Variants in DOCK10 observed in about 807,000 individuals in gnomAD.
DOCK10 encodes the protein dedicator of cytokinesis 10.
A neutral mutation model predicts 280.1 loss-of-function variants in DOCK10; 145 were observed. The observed-to-expected ratio is 0.52, with a 90% confidence interval of 0.45 to 0.59. DOCK10 has a LOEUF of 0.59. Ranked by LOEUF, DOCK10 falls within the 20% of genes least tolerant of loss-of-function variation. The pLI, the probability that DOCK10 is intolerant of heterozygous loss-of-function variation, is 0.00. For missense variants in DOCK10, 2,368 were observed against 2,651.7 expected (o/e 0.89, Z 2.35); for synonymous variants, 915 against 942.2 (o/e 0.97, Z 0.53).
In DOCK10 at chr2:224,805,319, AT is replaced by A; in HGVS notation, c.3937del (p.Ile1313SerfsTer7). 1 of 1,612,828 alleles carries A rather than the reference AT, an allele frequency of 6.2e-7. No individual in the cohort carries two copies. Among genetic ancestry groups the A allele is most frequent in the Non-Finnish European group, 8.5e-7 (1 of 1,179,176 alleles). ...GCCAATCAAAGACAAGGGTCTTGGG[AT>A]CTGGGAATTCAAGAACCAATCAGGA... Reference protein sequence around the residue: ...SSEKTDNCEKIPRPLSLIGST... With the variant: ...SSEKTDNCEKXPRPLSLIGST... On this transcript the variant is annotated frameshift_variant and splice_region_variant, in exon 36 of 56. Coordinates refer to ENST00000258390, the MANE Select transcript of DOCK10 (RefSeq NM_014689.3). LOFTEE classifies it high-confidence loss of function. The surrounding 1 kb of genome is among the most constrained non-coding windows in gnomAD (Gnocchi z 4.3).
chr2:224,906,119 C>T (rs547297451), intron 3 of DOCK10, among the ~76,000 whole-genome samples: 2 of 152,256 alleles, frequency 1.3e-5, no homozygotes, highest in Admixed American at 1.3e-4. Flanking sequence ...TAGGTAATAG[C>T]CCAAGCCATA....
chr2:224,777,994 C>A (rs1467823854), intron 51 of DOCK10, 144 bp downstream of exon 51: 2 of 805,382 alleles, frequency 2.5e-6, no homozygotes, highest in South Asian at 2.0e-5. Flanking sequence ...AAATTACCAA[C>A]CAACAGGCAA....
At position 224,854,970 on chromosome 2, in the gene DOCK10, C is replaced by A. The variant is rs780087348; in HGVS notation, c.1881G>T (p.Glu627Asp). The change falls in exon 16 of 56, where the codon GAG becomes GAT. Residue 627 changes from glutamate (E) to aspartate (D), a missense_variant. Around this residue, in one of 2 missense-constraint regions of DOCK10, gnomAD observed 1,209 missense variants for 1,250.9 expected, o/e 0.97. Coordinates refer to ENST00000258390, the MANE Select transcript of DOCK10 (RefSeq NM_014689.3). ...ATGACATCATCATCATACTTGGATG[C>A]TCCAAGGGAACGTTGTCAACAGCAA... ...LDIAVDNVPLEHPNCVTSSFI... is the reference protein window; with the variant it reads ...LDIAVDNVPLDHPNCVTSSFI... 1 of 1,607,248 alleles carries A rather than the reference C, an allele frequency of 6.2e-7. No homozygotes were observed. Among genetic ancestry groups the A allele is most frequent in the South Asian group, 1.1e-5 (1 of 89,918 alleles).
At chr2:225,033,191 A>T (rs202201700) in intron 1 of DOCK10, among the ~76,000 whole-genome samples, 8,754 of 149,544 alleles carry the variant, frequency 0.059, 452 homozygotes, top group East Asian at 0.18. Flanking sequence ...TGGTACTATT[A>T]TTTTTTTTTT....
chr2:224,878,268 A>G (rs935769540), intron 7 of DOCK10, among the ~76,000 whole-genome samples: 1 of 152,254 alleles, frequency 6.6e-6, no homozygotes, highest in Admixed American at 6.5e-5. Context: ...TCTGTACTTT[A>G]TGGTCATTAT....
At chr2:224,791,762 T>C (rs1295935296) in intron 47 of DOCK10, among the ~76,000 whole-genome samples, 2 of 151,976 alleles carry the variant, frequency 1.3e-5, no homozygotes, top group African/African-American at 4.8e-5. Flanking sequence ...GCGTGAGTCA[T>C]GGCACCTGGC....
chr2:224,791,651 T>G (rs2125107707), intron 47 of DOCK10, among the ~76,000 whole-genome samples: 1 of 149,866 alleles, frequency 6.7e-6, no homozygotes, highest in Non-Finnish European at 1.5e-5. Flanking sequence ...TTTTTTTGTA[T>G]TTTTAGTAGA....
chr2:224,916,654 G>T, intron 3 of DOCK10, 41 bp downstream of exon 3: 1 of 1,442,452 alleles, frequency 6.9e-7, no homozygotes, highest in Non-Finnish European at 9.5e-7. Context: ...CTGGGAAAAA[G>T]CAAAAGCCTT....
chr2:224,929,087 G>T (rs1025169044), intron 2 of DOCK10, among the ~76,000 whole-genome samples: 2 of 152,214 alleles, frequency 1.3e-5, no homozygotes, highest in Non-Finnish European at 2.9e-5. Context: ...AGAGAGGCTT[G>T]TCCCTGGTCA....
intron 1 of DOCK10, among the ~76,000 whole-genome samples, chr2:225,041,182 C>T (rs1690413415): frequency 6.6e-6 from 1 of 152,216 alleles, no homozygotes; most frequent in Non-Finnish European, 1.5e-5. Flanking sequence ...AAGCTTTTGG[C>T]GCCCTCCTCA....
At chr2:224,793,219 A>C (rs1692327340) in intron 46 of DOCK10, 147 bp from the exon 47 acceptor site, 5 of 825,248 alleles carry the variant, frequency 6.1e-6, no homozygotes, top group Admixed American at 5.2e-5. Context: ...ACATAGAATA[A>C]ATAAGTCAAT....
chr2:224,789,395 T>G (rs1489538322), intron 47 of DOCK10, among the ~76,000 whole-genome samples: 1 of 152,164 alleles, frequency 6.6e-6, no homozygotes, highest in African/African-American at 2.4e-5. Flanking sequence ...TATAAAGAAA[T>G]AGCATGGGAT....
intron 15 of DOCK10, among the ~76,000 whole-genome samples, 183 bp downstream of exon 15, chr2:224,856,677 T>C (rs913416670): frequency 9.2e-5 from 14 of 152,248 alleles, no homozygotes; most frequent in African/African-American, 2.7e-4. Context: ...TTCACAGTCC[T>C]TCCATATAAT....
At position 224,844,819 on chromosome 2, in the gene DOCK10, T is replaced by C. The variant is rs377211049; in HGVS notation, c.2502A>G (p.Lys834=). The change falls in exon 22 of 56, where the codon AAA becomes AAG. Residue 834 remains lysine, a synonymous_variant. Transcript: ENST00000258390. ...AAAGTGGTTTGCCACCATCAACCCA[T>C]TTAATGTCACTCCCACCATGCTGCA... ...ASGKHGGSDI[K]WVDGGKPLFK... 1.9e-6 allele frequency: 3 copies of C among 1,607,830 alleles called. No individual in the cohort carries two copies. The highest frequency in any genetic ancestry group is 8.5e-7 in the Non-Finnish European group (1 of 1,176,880).
chr2:224,886,720 C>T (rs1699305899), intron 4 of DOCK10, among the ~76,000 whole-genome samples, 189 bp from the exon 5 acceptor site: 3 of 152,066 alleles, frequency 2.0e-5, no homozygotes, highest in Admixed American at 2.0e-4. Context: ...ATCTTATCTC[C>T]AGTATATAAA....
chr2:225,026,481 G>A (rs1233669749), intron 1 of DOCK10, among the ~76,000 whole-genome samples: 2 of 152,190 alleles, frequency 1.3e-5, no homozygotes, highest in African/African-American at 2.4e-5. Context: ...AGGTCAGGGA[G>A]CTGTCTGAAA....
At chr2:224,961,455 T>TTTCC (rs1704426912) in intron 1 of DOCK10, among the ~76,000 whole-genome samples, 1 of 132,576 alleles carries the variant, frequency 7.5e-6, no homozygotes, top group Non-Finnish European at 1.6e-5. Context: ...TCTTTCTTTC[T>TTTCC]TTCTTTCTTT....
intron 14 of DOCK10, among the ~76,000 whole-genome samples, chr2:224,859,358 A>T (rs1374039678): frequency 1.3e-5 from 2 of 152,178 alleles, no homozygotes; most frequent in Non-Finnish European, 2.9e-5. Context: ...GGCACCTAGG[A>T]TTCTGGGGCT....
chr2:224,994,646 G>C (rs1241130839), intron 1 of DOCK10, among the ~76,000 whole-genome samples: 2 of 152,188 alleles, frequency 1.3e-5, no homozygotes, highest in African/African-American at 4.8e-5. Context: ...CTTGGAAAGA[G>C]GTCACTGGTA....
Sources: allele counts gnomAD v4.1 joint callset (sites outside exome capture counted in the v4.1 genomes callset), GRCh38; gene constraint gnomAD v4.1.1; regional missense constraint gnomAD v4.1.1; non-coding constraint Gnocchi (gnomAD v3.1); transcripts MANE v1.5; gene names NCBI Gene and HGNC (gene_info 2026-07-23, HGNC 2026-07-21).